ATP5MJ: variants seen among roughly 807,000 people sequenced by gnomAD.
The protein encoded by ATP5MJ is ATP synthase F(0) complex subunit j, mitochondrial.
A neutral mutation model predicts 8.3 loss-of-function variants in ATP5MJ; 4 were observed. The observed-to-expected ratio is 0.48, with a 90% CI of 0.24 to 1.11. ATP5MJ has a LOEUF of 1.11. ATP5MJ is among the 50% of genes least tolerant of loss of function. ATP5MJ has a pLI of 0.18. For missense variants in ATP5MJ, 66 were observed against 71.8 expected, an observed-to-expected ratio of 0.92 and a Z score of 0.29; for synonymous variants, 23 against 21.3, an observed-to-expected ratio of 1.08 and a Z score of -0.23.
Position 103,912,462 on chromosome 14 carries a change from T to C in ATP5MJ, c.*204A>G, listed in dbSNP as rs995545516. 5 of 610,578 alleles carry C rather than the reference T, an allele frequency of 8.2e-6. No homozygotes were observed. Among genetic ancestry groups the C allele is most frequent in the Non-Finnish European group, 1.5e-5 (5 of 341,312 alleles). 37.8% of individuals were successfully genotyped at this position (610,578 alleles called of 1,614,324 possible). A position where few individuals can be genotyped will look rare whatever the true frequency, so the allele number is the denominator to read the frequency against. Reference sequence around the variant, plus strand: ...ACAAATTATCTACTCAGAGTATGCCTGACACGCCGGAGGGGCTGAGGGGGA... The same window carrying C: ...ACAAATTATCTACTCAGAGTATGCCCGACACGCCGGAGGGGCTGAGGGGGA... On this transcript the variant is annotated 3_prime_UTR_variant, in exon 4 of 4. Transcript: ENST00000286953.
In ATP5MJ at chr14:103,914,546, A is replaced by C. The variant is rs565203981; in HGVS notation, c.124+520T>G. ...CAGGTGTTGTGGCTCACGCTTGTTA[A>C]TTCCAGCACTTTGGGAAGCCAAGAT... On this transcript the variant is annotated intron_variant, in intron 2 of 3. Coordinates refer to ENST00000286953, the MANE Select transcript of ATP5MJ (RefSeq NM_004894.3). 2.9e-4 allele frequency: 198 copies of C among 690,536 alleles called. No individual in the cohort carries two copies. In the African/African-American group the frequency reaches 3.3e-3, roughly 11 times the overall value. The allele number at this position is 690,536 out of a possible 1,614,324, so 42.8% of individuals were successfully genotyped here. A position where few individuals can be genotyped will look rare whatever the true frequency, so the allele number is the denominator to read the frequency against.
chr14:103,916,459 G>A (rs2087626501), intron 1 of ATP5MJ, among the ~76,000 whole-genome samples: 1 of 152,230 alleles, frequency 6.6e-6, no homozygotes, highest in South Asian at 2.1e-4. Context: ...TTGGTTGGGT[G>A]TGGTGGCTCA....
chr14:103,919,889 C>T (rs573750596), intron 1 of ATP5MJ, among the ~76,000 whole-genome samples: 17 of 151,424 alleles, frequency 1.1e-4, no homozygotes, highest in African/African-American at 1.9e-4. Context: ...TGCAATGGTG[C>T]GATCGCGGCT....
chr14:103,917,107 A>G lies in ATP5MJ; in HGVS notation c.1-1918T>C, dbSNP rs368502306. On this transcript the variant is annotated intron_variant, in intron 1 of 3. Transcript: ENST00000286953. The stretch of plus-strand genomic sequence containing the variant: ...GATATCTGGGAGAGGAATCCTCGGC[A>G]TTGGCAGAGACTCCGAGGTCAGAAT... Among the ~76,000 whole-genome samples the G allele has an allele frequency of 3.1e-3, 478 of 152,294 alleles. 1 individual carries two copies. Among genetic ancestry groups the G allele is most frequent in the Non-Finnish European group, 5.4e-3 (365 of 68,016 alleles).
chr14:103,915,247 T>C, intron 1 of ATP5MJ, 58 bp from the exon 2 acceptor site: 1 of 1,578,454 alleles, frequency 6.3e-7, no homozygotes, highest in Non-Finnish European at 8.7e-7. Context: ...ACCTAACTGG[T>C]AAAAGATTTT....
chr14:103,915,017 A>C, intron 2 of ATP5MJ, 49 bp downstream of exon 2: 1 of 1,610,960 alleles, frequency 6.2e-7, no homozygotes, highest in Non-Finnish European at 8.5e-7. Flanking sequence ...TTCTTTTTGA[A>C]AATAATTTTC....
chr14:103,920,799 G>T (rs1451297068), intron 1 of ATP5MJ: 3 of 749,064 alleles, frequency 4.0e-6, no homozygotes, highest in African/African-American at 3.5e-5. Context: ...TTCTGCCCAG[G>T]CACATTTCCT....
Position 103,913,690 on chromosome 14 carries a change from C to T in ATP5MJ, c.148+271G>A, listed in dbSNP as rs1445241001. On this transcript the variant is annotated intron_variant, in intron 3 of 3. Transcript: ENST00000286953. ...GCTTGCACAGCTCACTTGTGCTTCC[C>T]TATTGGTGATGATATCGACTACCTC... 9.0e-6 allele frequency: 5 copies of T among 555,170 alleles called. No individual in the cohort carries two copies. The East Asian group carries it at 1.5e-4, about 16-fold the overall frequency. 34.4% of individuals were successfully genotyped at this position (555,170 alleles called of 1,614,324 possible). A position where few individuals can be genotyped will look rare whatever the true frequency, so the allele number is the denominator to read the frequency against.
chr14:103,914,508 TC>T (rs1299615361), intron 2 of ATP5MJ: 1 of 676,114 alleles, frequency 1.5e-6, no homozygotes, highest in Non-Finnish European at 2.7e-6. Flanking sequence ...TGTTCAAAGT[TC>T]CCCAATTGGG....
chr14:103,920,071 C>T (rs2087661633), intron 1 of ATP5MJ, among the ~76,000 whole-genome samples: 1 of 151,698 alleles, frequency 6.6e-6, no homozygotes, highest in Non-Finnish European at 1.5e-5. Flanking sequence ...GTGATCCGCC[C>T]GCCTCAGCCT....
In ATP5MJ at chr14:103,921,493, G is replaced by A. The variant is rs546121282; in HGVS notation, c.-24C>T. ...ACCTTGGCGCAGGACAGACGGCTCA[G>A]AACGCACCACAAATCTGCAGCCAAC... On this transcript the variant is annotated 5_prime_UTR_variant, in exon 1 of 4. Transcript: ENST00000286953. 2 of 160,164 alleles carry A rather than the reference G, an allele frequency of 1.2e-5. No individual in the cohort carries two copies. The highest frequency in any genetic ancestry group is 2.4e-5 in the African/African-American group (1 of 41,644). 9.9% of individuals were successfully genotyped at this position (160,164 alleles called of 1,614,324 possible). A position where few individuals can be genotyped will look rare whatever the true frequency, so the allele number is the denominator to read the frequency against.
At chr14:103,914,147 G>A in intron 2 of ATP5MJ, 163 bp from the exon 3 acceptor site, 1 of 654,622 alleles carries the variant, frequency 1.5e-6, no homozygotes, top group Non-Finnish European at 2.6e-6. Context: ...TCCTACCAAA[G>A]ATGTTCTATG....
chr14:103,912,606 C>T lies in ATP5MJ; in HGVS notation c.*60G>A. 6.4e-7 allele frequency: 1 copy of T among 1,562,056 alleles called. No individual in the cohort carries two copies. The highest frequency in any genetic ancestry group is 2.2e-5 in the East Asian group (1 of 44,602). On this transcript the variant is annotated 3_prime_UTR_variant, in exon 4 of 4. Coordinates refer to ENST00000286953, the MANE Select transcript of ATP5MJ (RefSeq NM_004894.3). ...GTTCCACGCTCCCCATCTAACACGG[C>T]TTGCTGAAATTTACAGGCAGACTGA...
chr14:103,918,652 G>T (rs919930400), intron 1 of ATP5MJ, among the ~76,000 whole-genome samples: 1 of 152,082 alleles, frequency 6.6e-6, no homozygotes, highest in African/African-American at 2.4e-5. Context: ...GGGCCACCAG[G>T]CTCAACCCAG....
chr14:103,914,282 G>A, intron 2 of ATP5MJ: 1 of 563,036 alleles, frequency 1.8e-6, no homozygotes. Context: ...CATGTGATTG[G>A]GCCACACTGC....
At chr14:103,916,258 G>T (rs1193491988) in intron 1 of ATP5MJ, among the ~76,000 whole-genome samples, 3 of 152,234 alleles carry the variant, frequency 2.0e-5, no homozygotes, top group African/African-American at 7.2e-5. Context: ...CAGTTTGCTT[G>T]TATGTGCAGG....
chr14:103,917,836 A>G (rs1293556718), intron 1 of ATP5MJ, among the ~76,000 whole-genome samples: 1 of 152,232 alleles, frequency 6.6e-6, no homozygotes, highest in Non-Finnish European at 1.5e-5. Flanking sequence ...AAGCTCCTAT[A>G]AAGCGGGTAC....
Position 103,912,499 on chromosome 14 carries a change from G to A in ATP5MJ, c.*167C>T. Reference sequence around the variant, plus strand: ...GGGGCTGAGGGGGAACACACTGAAAGCAGTACCAGGTAGCAGTGCATCTCA... The same window carrying A: ...GGGGCTGAGGGGGAACACACTGAAAACAGTACCAGGTAGCAGTGCATCTCA... On this transcript the variant is annotated 3_prime_UTR_variant, in exon 4 of 4. Coordinates refer to ENST00000286953, the MANE Select transcript of ATP5MJ (RefSeq NM_004894.3). The A allele has an allele frequency of 1.4e-6, 1 of 718,748 alleles. No homozygotes were observed. The highest frequency in any genetic ancestry group is 2.4e-6 in the Non-Finnish European group (1 of 416,772). The allele number at this position is 718,748 out of a possible 1,614,324, so 44.5% of individuals were successfully genotyped here.
chr14:103,912,723 G>A (rs1008324191), intron 3 of ATP5MJ, 29 bp from the exon 4 acceptor site: 70 of 1,607,992 alleles, frequency 4.4e-5, no homozygotes, highest in Non-Finnish European at 5.4e-5. Context: ...ATATAAATAT[G>A]ATTTAAGAAG....
Sources: gnomAD v4.1 joint callset for allele counts (sites outside exome capture counted in the v4.1 genomes callset) on GRCh38, gnomAD v4.1.1 for gene constraint, MANE v1.5 for transcripts, NCBI Gene and HGNC (gene_info 2026-07-23, HGNC 2026-07-21) for gene names.